Variants in MBNL1 observed in about 807,000 individuals in gnomAD.
MBNL1 encodes the protein muscleblind-like protein 1.
A neutral mutation model predicts 42.2 loss-of-function variants in MBNL1; 8 were observed. That is an observed-to-expected ratio of 0.19 (90% CI 0.11 to 0.34). The LOEUF (loss-of-function observed/expected upper bound fraction) is 0.34. Among genes scored for constraint, MBNL1 ranks in the 10% least tolerant of loss-of-function variants. The pLI, the probability that MBNL1 is intolerant of heterozygous loss-of-function variation, is 1.00. For missense variants in MBNL1, 309 were observed against 495.3 expected (o/e 0.62, Z 3.57); for synonymous variants, 169 against 173.9 (o/e 0.97, Z 0.22).
At chr3:152,416,925 T>C (rs959237652) in intron 3 of MBNL1, among the ~76,000 whole-genome samples, 3 of 152,210 alleles carry the variant, frequency 2.0e-5, no homozygotes, top group African/African-American at 7.2e-5. Context: ...GACAAAGAAA[T>C]TATTTTTATT....
intron 2 of MBNL1, among the ~76,000 whole-genome samples, chr3:152,364,436 G>A (rs1053287805): frequency 2.0e-5 from 3 of 152,038 alleles, no homozygotes; most frequent in African/African-American, 7.2e-5. Context: ...AGTCAGGAAG[G>A]ATAAATTCAT....
intron 2 of MBNL1, among the ~76,000 whole-genome samples, chr3:152,408,597 TATG>T (rs1214137184): frequency 6.6e-6 from 1 of 151,918 alleles, no homozygotes; most frequent in Non-Finnish European, 1.5e-5. Context: ...TATTTGGTAT[TATG>T]ATAACTATTG....
chr3:152,315,878 TCTCTCTCTCACTC>T lies in MBNL1; in HGVS notation c.174+15521_174+15533del, dbSNP rs757114677. On this transcript the variant is annotated intron_variant, in intron 2 of 9. Coordinates refer to ENST00000324210, the MANE Select transcript of MBNL1 (RefSeq NM_021038.5). The stretch of plus-strand genomic sequence containing the variant: ...CACACACACACACACTCTCTCTCTC[TCTCTCTCTCACTC>T]CTCTCTCTCTCACACACATATGCGC... Among the ~76,000 whole-genome samples, 201 of 151,554 alleles carry T rather than the reference TCTCTCTCTCACTC, an allele frequency of 1.3e-3. 2 individuals are homozygous for T. The East Asian group carries it at 0.026, about 20-fold the overall frequency.
intron 2 of MBNL1, among the ~76,000 whole-genome samples, chr3:152,329,365 G>A (rs1361903989): frequency 6.6e-6 from 1 of 151,928 alleles, no homozygotes; most frequent in African/African-American, 2.4e-5. Context: ...AATGTCAAAT[G>A]CAAATCAAGA....
intron 3 of MBNL1, among the ~76,000 whole-genome samples, chr3:152,419,271 G>A (rs1374143026): frequency 1.3e-5 from 2 of 151,944 alleles, no homozygotes; most frequent in South Asian, 2.1e-4. Context: ...TAAAACTTCT[G>A]GAATTGCCCG....
chr3:152,287,562 A>G (rs1577173456), intron 1 of MBNL1, among the ~76,000 whole-genome samples: 1 of 152,168 alleles, frequency 6.6e-6, no homozygotes, highest in African/African-American at 2.4e-5. Context: ...CCTGGTTTCT[A>G]TCCTCAGTAG....
intron 7 of MBNL1, 151 bp from the exon 8 acceptor site, chr3:152,456,116 G>A (rs1733296519): frequency 3.2e-6 from 2 of 630,976 alleles, no homozygotes; most frequent in South Asian, 4.0e-5. Context: ...GCTTTGCGCT[G>A]TGATTGCATG....
intron 2 of MBNL1, among the ~76,000 whole-genome samples, chr3:152,327,759 C>A (rs2081338851): frequency 6.6e-6 from 1 of 151,636 alleles, no homozygotes; most frequent in South Asian, 2.1e-4. Flanking sequence ...TATTTGGTAT[C>A]ATATACTATA....
Position 152,390,560 on chromosome 3 carries a change from A to G in MBNL1, c.175-24381A>G, listed in dbSNP as rs2097667468. Among the ~76,000 whole-genome samples, 3 of 151,656 alleles carry G rather than the reference A, an allele frequency of 2.0e-5. No individual in the cohort carries two copies. The South Asian group carries it at 6.2e-4, about 32-fold the overall frequency. On this transcript the variant is annotated intron_variant, in intron 2 of 9. Coordinates refer to ENST00000324210, the MANE Select transcript of MBNL1 (RefSeq NM_021038.5). ...TAGTATAGTAAATAAGTAAACCAGT[A>G]GCACAATCATTTATTATCATGTATT...
At chr3:152,449,918 A>C (rs894786102) in intron 6 of MBNL1, among the ~76,000 whole-genome samples, 1 of 152,084 alleles carries the variant, frequency 6.6e-6, no homozygotes, top group African/African-American at 2.4e-5. Context: ...CAGCGTGGCC[A>C]ACATGGCGAA....
intron 3 of MBNL1, among the ~76,000 whole-genome samples, chr3:152,422,609 A>T (rs537422404): frequency 6.6e-6 from 1 of 152,362 alleles, no homozygotes; most frequent in East Asian, 1.9e-4. Flanking sequence ...CTTAATAGAC[A>T]TCTACAGGAC....
chr3:152,440,584 A>G (rs1439985928), intron 4 of MBNL1, among the ~76,000 whole-genome samples: 1 of 152,220 alleles, frequency 6.6e-6, no homozygotes, highest in Non-Finnish European at 1.5e-5. Flanking sequence ...TGGGAATTCA[A>G]GATGAGGTTT....
In MBNL1 at chr3:152,463,755, G is replaced by A. The variant is rs931904618; in HGVS notation, c.*1389G>A. On this transcript the variant is annotated 3_prime_UTR_variant, in exon 10 of 10. Coordinates refer to ENST00000324210, the MANE Select transcript of MBNL1 (RefSeq NM_021038.5). Reference sequence around the variant, plus strand: ...ATCATCCAAAGGAATTCCTTTTTTTGAGGTTTGGATGTTGCAGCTAGTAAA... The same window carrying A: ...ATCATCCAAAGGAATTCCTTTTTTTAAGGTTTGGATGTTGCAGCTAGTAAA... 23 of 152,058 alleles carry A rather than the reference G, an allele frequency of 1.5e-4. No homozygotes were observed. The highest frequency in any genetic ancestry group is 5.1e-4 in the African/African-American group (21 of 41,354). 9.4% of individuals were successfully genotyped at this position (152,058 alleles called of 1,614,324 possible). A position where few individuals can be genotyped will look rare whatever the true frequency, so the allele number is the denominator to read the frequency against.
intron 2 of MBNL1, among the ~76,000 whole-genome samples, chr3:152,346,537 A>G (rs1474968879): frequency 6.6e-6 from 1 of 152,132 alleles, no homozygotes; most frequent in East Asian, 1.9e-4. Flanking sequence ...TAGATACAAG[A>G]TAACCACATA....
intron 2 of MBNL1, among the ~76,000 whole-genome samples, chr3:152,337,048 T>C (rs1452297706): frequency 1.3e-5 from 2 of 152,184 alleles, no homozygotes; most frequent in Non-Finnish European, 2.9e-5. Flanking sequence ...TTCATACATA[T>C]TAGGAATTAT....
At chr3:152,348,261 C>CA (rs1021926284) in intron 2 of MBNL1, among the ~76,000 whole-genome samples, 1 of 151,970 alleles carries the variant, frequency 6.6e-6, no homozygotes, top group African/African-American at 2.4e-5. Context: ...GCTATATCAA[C>CA]AAAAAATTTT....
chr3:152,258,918 G>T (rs1298433628), intron 2 of MBNL1, among the ~76,000 whole-genome samples: 1 of 152,138 alleles, frequency 6.6e-6, no homozygotes, highest in Non-Finnish European at 1.5e-5. Flanking sequence ...ACCTTCTAGT[G>T]TCCACGTGGG....
At chr3:152,371,899 CA>C (rs1236827337) in intron 2 of MBNL1, among the ~76,000 whole-genome samples, 1 of 152,112 alleles carries the variant, frequency 6.6e-6, no homozygotes, top group Non-Finnish European at 1.5e-5. Context: ...GAGTGTTTTC[CA>C]ACTTGGTTCC....
At chr3:152,274,420 C>T (rs930257564) in intron 1 of MBNL1, among the ~76,000 whole-genome samples, 5 of 151,890 alleles carry the variant, frequency 3.3e-5, no homozygotes, top group East Asian at 1.9e-4. Context: ...ATAAGAGCTT[C>T]GAAAATAACT....
Sources: gnomAD v4.1 joint callset for allele counts (sites outside exome capture counted in the v4.1 genomes callset) on GRCh38, gnomAD v4.1.1 for gene constraint, MANE v1.5 for transcripts, NCBI Gene and HGNC (gene_info 2026-07-23, HGNC 2026-07-21) for gene names.